The following EAF2 variants were observed in gnomAD, a reference collection of about 807,000 sequenced individuals.
EAF2 encodes ELL associated factor 2, also known as ELL-associated factor 2.
Under a neutral mutation model 29.4 loss-of-function variants are expected in EAF2, and 29 were observed. The ratio of observed to expected loss-of-function variants is 0.99; its 90% CI spans 0.73 to 1.35. The LOEUF (loss-of-function observed/expected upper bound fraction) is 1.35. Among genes scored for constraint, EAF2 ranks in the 40% most tolerant of loss-of-function variants. The probability of loss-of-function intolerance (pLI) is 0.00; values close to 1 mark genes in which losing one functional copy is unlikely to be tolerated. For missense variants in EAF2, 292 were observed against 312.0 expected, an observed-to-expected ratio of 0.94 and a Z score of 0.48; for synonymous variants, 103 against 102.5, an observed-to-expected ratio of 1.00 and a Z score of -0.03.
At chr3:121,836,660 G>A (rs1249120915) in intron 1 of EAF2, 2 of 987,674 alleles carry the variant, frequency 2.0e-6, no homozygotes, top group East Asian at 2.3e-4. Context: ...CCCACGATGA[G>A]ATGGTGCTGT....
intron 2 of EAF2, among the ~76,000 whole-genome samples, chr3:121,852,621 C>T (rs957781482): frequency 2.6e-5 from 4 of 152,152 alleles, no homozygotes; most frequent in Non-Finnish European, 5.9e-5. Context: ...CTAACCTACC[C>T]ATCTTTTATG....
At chr3:121,848,880 C>T (rs577255738) in intron 2 of EAF2, among the ~76,000 whole-genome samples, 3 of 61,466 alleles carry the variant, frequency 4.9e-5, no homozygotes, top group Non-Finnish European at 1.2e-4. Flanking sequence ...TTTTAAAAGC[C>T]CCCCCCCACA....
At chr3:121,884,716 C>T (rs373246099) in intron 5 of EAF2, among the ~76,000 whole-genome samples, 4 of 29,294 alleles carry the variant, frequency 1.4e-4, no homozygotes, top group African/African-American at 1.9e-4. Flanking sequence ...TGAGCCACCG[C>T]GTGCCCGACC....
chr3:121,882,935 A>G (rs1709216344), intron 5 of EAF2, among the ~76,000 whole-genome samples: 1 of 152,080 alleles, frequency 6.6e-6, no homozygotes, highest in Non-Finnish European at 1.5e-5. Context: ...TTTGTAACAG[A>G]TATTTTTAAT....
At chr3:121,871,837 C>G (rs1709020065) in intron 4 of EAF2, among the ~76,000 whole-genome samples, 1 of 151,914 alleles carries the variant, frequency 6.6e-6, no homozygotes, top group Non-Finnish European at 1.5e-5. Context: ...TCATAAATAA[C>G]TGACAGCTTT....
chr3:121,836,008 C>G (rs1245030019), intron 1 of EAF2, among the ~76,000 whole-genome samples: 1 of 152,106 alleles, frequency 6.6e-6, no homozygotes, highest in Non-Finnish European at 1.5e-5. Context: ...GATTTCTACC[C>G]TTTGGTTTTC....
intron 1 of EAF2, among the ~76,000 whole-genome samples, chr3:121,841,504 CAAAAAAAAAAAAAAAAAAAAAAAA>C (rs57868658): frequency 6.2e-4 from 16 of 26,010 alleles, no homozygotes; most frequent in African/African-American, 1.5e-3. Context: ...GACCCTGTCT[CAAAAAAAAAAAAAAAAAAAAAAAA>C]AAAAAAAAAA....
intron 1 of EAF2, among the ~76,000 whole-genome samples, chr3:121,840,488 T>TA (rs1221757062): frequency 0.16 from 5,529 of 34,850 alleles, 429 homozygotes; most frequent in Non-Finnish European, 0.2. Flanking sequence ...AGACTTCGTC[T>TA]AAAAAAAAAA....
rs537166868 is a variant in EAF2, at chr3:121,883,801, TC to T, written c.737-2540del. On this transcript the variant is annotated intron_variant, in intron 5 of 5. Transcript: ENST00000273668. ...TATGGGTAAACTCTCTTTTTCTGAGTCATAATTACAGCTATGATTGAAAACA... is the reference window on the plus strand; with the variant it reads ...TATGGGTAAACTCTCTTTTTCTGAGTATAATTACAGCTATGATTGAAAACA... 2.6e-5 allele frequency among the ~76,000 whole-genome samples: 4 copies of T among 152,310 alleles called. No individual in the cohort carries two copies. In the South Asian group the frequency reaches 8.3e-4, roughly 32 times the overall value.
At chr3:121,880,865 C>G (rs1476377537) in intron 5 of EAF2, among the ~76,000 whole-genome samples, 2 of 152,104 alleles carry the variant, frequency 1.3e-5, no homozygotes, top group Non-Finnish European at 2.9e-5. Context: ...GTGGGTTTCT[C>G]TTATATGGCC....
chr3:121,849,543 G>T (rs1247119657), intron 2 of EAF2, among the ~76,000 whole-genome samples: 6 of 152,132 alleles, frequency 3.9e-5, no homozygotes, highest in Non-Finnish European at 7.4e-5. Flanking sequence ...GCTTCTGTGG[G>T]CTTTTATGAA....
At chr3:121,872,282 T>G (rs1367879513) in intron 4 of EAF2, among the ~76,000 whole-genome samples, 1 of 151,948 alleles carries the variant, frequency 6.6e-6, no homozygotes, top group East Asian at 1.9e-4. Flanking sequence ...ACCTGTATAC[T>G]TAAGTACAAT....
Position 121,835,256 on chromosome 3 carries a change from C to G in EAF2, c.-30C>G. Reference sequence around the variant, plus strand: ...GGTGGCAGATAGTGAGCGCTGGTGGCGGAGTTAAAGTCAAAGCAGGAGAGT... The same window carrying G: ...GGTGGCAGATAGTGAGCGCTGGTGGGGGAGTTAAAGTCAAAGCAGGAGAGT... On this transcript the variant is annotated 5_prime_UTR_variant, in exon 1 of 6. Transcript: ENST00000273668. 1 of 1,603,290 alleles carries G rather than the reference C, an allele frequency of 6.2e-7. No individual in the cohort carries two copies. Among genetic ancestry groups the G allele is most frequent in the Non-Finnish European group, 8.5e-7 (1 of 1,170,090 alleles).
At chr3:121,884,209 G>A (rs371109839) in intron 5 of EAF2, among the ~76,000 whole-genome samples, 23 of 151,254 alleles carry the variant, frequency 1.5e-4, no homozygotes, top group African/African-American at 3.9e-4. Flanking sequence ...GCATGGTGGC[G>A]CATGCCTGTA....
At chr3:121,848,866 G>A (rs1042770721) in intron 2 of EAF2, among the ~76,000 whole-genome samples, 2 of 133,878 alleles carry the variant, frequency 1.5e-5, no homozygotes, top group Non-Finnish European at 3.3e-5. Context: ...AAAAATAAGG[G>A]TTATTTTAAA....
chr3:121,862,417 A>G (rs1342103401), intron 4 of EAF2, among the ~76,000 whole-genome samples: 2 of 152,094 alleles, frequency 1.3e-5, no homozygotes, highest in African/African-American at 4.8e-5. Context: ...CATTTCATTC[A>G]TTTGATCTTC....
intron 3 of EAF2, 118 bp from the exon 4 acceptor site, chr3:121,856,893 A>G (rs954512410): frequency 1.3e-6 from 1 of 797,554 alleles, no homozygotes; most frequent in Non-Finnish European, 2.0e-6. Flanking sequence ...TAATTATGGA[A>G]TATTATTCTA....
At chr3:121,840,366 C>T (rs1169217504) in intron 1 of EAF2, among the ~76,000 whole-genome samples, 2 of 150,756 alleles carry the variant, frequency 1.3e-5, no homozygotes, top group Non-Finnish European at 3.0e-5. Flanking sequence ...TGGCGCGTGC[C>T]TGTAATCCCA....
chr3:121,849,154 T>C (rs562911349), intron 2 of EAF2, among the ~76,000 whole-genome samples: 1 of 152,278 alleles, frequency 6.6e-6, no homozygotes, highest in Non-Finnish European at 1.5e-5. Flanking sequence ...TCTTCTATTG[T>C]TTATATGAAC....
Sources: allele counts gnomAD v4.1 joint callset (sites outside exome capture counted in the v4.1 genomes callset), GRCh38; gene constraint gnomAD v4.1.1; transcripts MANE v1.5; gene names NCBI Gene and HGNC (gene_info 2026-07-23, HGNC 2026-07-21).